The following RHCE variants were observed in gnomAD, a reference collection of about 807,000 sequenced individuals.
RHCE encodes the protein blood group Rh(CE) polypeptide.
A neutral mutation model predicts 43.8 loss-of-function variants in RHCE; 22 were observed. The observed-to-expected ratio is 0.50, with a 90% CI of 0.36 to 0.72. The LOEUF is 0.72. RHCE is among the 30% of genes least tolerant of loss of function. The pLI, the probability that RHCE is intolerant of heterozygous loss-of-function variation, is 0.00. For missense variants in RHCE, 385 were observed against 525.4 expected (o/e 0.73, Z 2.61); for synonymous variants, 156 against 210.7 (o/e 0.74, Z 2.25).
chr1:25,390,643 G>C, intron 5 of RHCE, 106 bp downstream of exon 5: 1 of 1,312,624 alleles, frequency 7.6e-7, no homozygotes, highest in Non-Finnish European at 1.1e-6. Context: ...CCACCACCCG[G>C]CATGCCCTCT....
At chr1:25,403,947 C>G (rs1438441428) in intron 2 of RHCE, among the ~76,000 whole-genome samples, 1 of 151,438 alleles carries the variant, frequency 6.6e-6, no homozygotes, top group Middle Eastern at 3.2e-3. Flanking sequence ...GCAGGTGGAT[C>G]ACTTGAGGCC....
chr1:25,380,497 T>C (rs686018), intron 7 of RHCE, among the ~76,000 whole-genome samples: 146 of 152,262 alleles, frequency 9.6e-4, no homozygotes, highest in Non-Finnish European at 1.6e-3. Flanking sequence ...CCACTAGACC[T>C]TGCTCTACTA....
Position 25,362,501 on chromosome 1 carries a change from G to A in RHCE, c.*26C>T. The A allele has an allele frequency of 6.3e-7, 1 of 1,591,488 alleles. No homozygotes were observed. The highest frequency in any genetic ancestry group is 8.6e-7 in the Non-Finnish European group (1 of 1,167,978). ...AGGAAGTTGTCTTGTTTTTGAACAG[G>A]CCTTGTTTTTCTTGGATGCTTTTGC... On this transcript the variant is annotated 3_prime_UTR_variant, in exon 10 of 10. Transcript: ENST00000294413.
In RHCE at chr1:25,389,095, C is replaced by T. The variant is rs202115486; in HGVS notation, c.820G>A (p.Val274Met). The T allele has an allele frequency of 1.7e-5, 27 of 1,613,974 alleles. No individual in the cohort carries two copies. Among genetic ancestry groups the T allele is most frequent in the Non-Finnish European group, 2.3e-5 (27 of 1,179,968 alleles). Reference protein sequence around the residue: ...KISMTYVHSAVLAGGVAVGTS... With the variant: ...KISMTYVHSAMLAGGVAVGTS... ...CCCACAGCCACGCCTCCTGCCAACA[C>T]CGCACTGTGCACATAAGTCTGCAAA... The change falls in exon 6 of 10, where the codon GTG becomes ATG. Residue 274 changes from valine to methionine, a missense_variant. Around this residue, in one of 6 missense-constraint regions of RHCE, gnomAD observed 56 missense variants for 90.0 expected, o/e 0.62. Transcript: ENST00000294413.
At position 25,420,681 on chromosome 1, in the gene RHCE, C is replaced by T. The variant is rs145034271; in HGVS notation, c.106G>A (p.Ala36Thr). ...LLFYFFTHYD[A>T]SLEDQKGLVA... ...AGCCCCTTTTGATCCTCTAAGGAAG[C>T]GTCATAGTGGGTAAAAAAATAGAAG... is the stretch of plus-strand genomic sequence containing the variant. The change falls in exon 1 of 10, where the codon GCT becomes ACT. Residue 36 changes from alanine (A) to threonine (T), a missense_variant. Coordinates refer to ENST00000294413, the MANE Select transcript of RHCE (RefSeq NM_020485.8). 1.6e-3 allele frequency: 2,624 copies of T among 1,613,668 alleles called. 14 individuals are homozygous for T. The highest frequency in any genetic ancestry group is 1.1e-3 in the Non-Finnish European group (1,277 of 1,179,822).
chr1:25,399,156 G>A lies in RHCE; in HGVS notation c.486+3440C>T, dbSNP rs544723698. ...TGGGCTTTGCTATTTCAACTATCAC[G>A]ATGTGGGCATCTGCAAAGCTGTTGC... On this transcript the variant is annotated intron_variant, in intron 3 of 9. Transcript: ENST00000294413. 599 of 1,131,056 alleles carry A rather than the reference G, an allele frequency of 5.3e-4. 5 individuals carry two copies. The South Asian group carries it at 6.8e-3, about 13-fold the overall frequency. The allele number at this position is 1,131,056 out of a possible 1,614,324, so 70.1% of individuals were successfully genotyped here.
At chr1:25,391,330 G>A (rs1346506174) in intron 4 of RHCE, among the ~76,000 whole-genome samples, 14 of 151,870 alleles carry the variant, frequency 9.2e-5, no homozygotes, top group African/African-American at 2.9e-4. Flanking sequence ...GATTACAGGC[G>A]TGCACCACCA....
chr1:25,374,244 ACGC>A (rs1386971872), intron 8 of RHCE, among the ~76,000 whole-genome samples: 2 of 151,720 alleles, frequency 1.3e-5, no homozygotes, highest in African/African-American at 4.8e-5. Flanking sequence ...GCCCACCACC[ACGC>A]CTGGCTAATT....
rs367941821 is a variant in RHCE at position 25,389,006 on chromosome 1, C to G, written c.909G>C (p.Leu303=). 3.7e-6 allele frequency: 6 copies of G among 1,614,118 alleles called. No individual in the cohort carries two copies. The highest frequency in any genetic ancestry group is 3.3e-5 in the Admixed American group (2 of 60,008). The change falls in exon 6 of 10, where the codon CTG becomes CTC. Residue 303 remains leucine (L), a synonymous_variant. Coordinates refer to ENST00000294413, the MANE Select transcript of RHCE (RefSeq NM_020485.8). ...LAMVLGLVAG[L]ISIGGAKCLP... ...GGCACTTGGCTCCCCCGATGGAGAT[C>G]AGCCCAGCCACAAGACCCAGCACCA...
Position 25,387,940 on chromosome 1 carries a change from C to A in RHCE, c.939+1036G>T, listed in dbSNP as rs189661249. Among the ~76,000 whole-genome samples the A allele has an allele frequency of 2.0e-5, 3 of 152,182 alleles. No homozygotes were observed. The East Asian group carries it at 5.8e-4, about 29-fold the overall frequency. On this transcript the variant is annotated intron_variant, in intron 6 of 9. Transcript: ENST00000294413. ...GGTTCAAGTGATTCTCGCATCTCAG[C>A]CTCCTGAGTAGCTAAGATGACAGGT... is the stretch of plus-strand genomic sequence containing the variant.
chr1:25,398,307 A>G (rs1200887622), intron 3 of RHCE, among the ~76,000 whole-genome samples: 1 of 115,274 alleles, frequency 8.7e-6, no homozygotes, highest in Non-Finnish European at 1.9e-5. Flanking sequence ...CTTTGGGCTC[A>G]CTCTGGGCAG....
At position 25,379,526 on chromosome 1, in the gene RHCE, A is replaced by G. The variant is rs1475610074; in HGVS notation, c.1074-4098T>C. On this transcript the variant is annotated intron_variant, in intron 7 of 9. Transcript: ENST00000294413. ...TTTTTTTTTTTTTTTTTTTTTAAAG[A>G]TGGGATTTTGCTCTATCATCCAGGC... Among the ~76,000 whole-genome samples the G allele has an allele frequency of 4.9e-5, 5 of 101,316 alleles. No homozygotes were observed. The South Asian group carries it at 1.5e-3, about 31-fold the overall frequency. The allele number at this position is 101,316 out of a possible 152,430, so 66.5% of individuals were successfully genotyped here.
chr1:25,369,156 G>A lies in RHCE; in HGVS notation c.1227+1311C>T, dbSNP rs79426587. The stretch of plus-strand genomic sequence containing the variant: ...GGAGAGGAAGGAGAAGGAAAAGAAG[G>A]GGCAGGGTCTCTCCCCAGGTCCTCT... On this transcript the variant is annotated intron_variant, in intron 9 of 9. Transcript: ENST00000294413. Among the ~76,000 whole-genome samples, 9 of 151,860 alleles carry A rather than the reference G, an allele frequency of 5.9e-5. No individual in the cohort carries two copies. The East Asian group carries it at 1.7e-3, about 29-fold the overall frequency.
intron 7 of RHCE, among the ~76,000 whole-genome samples, chr1:25,379,481 ATATATATATATATATTTTTTT>A (rs1474442885): frequency 5.6e-4 from 10 of 17,926 alleles, no homozygotes; most frequent in South Asian, 5.2e-3. Flanking sequence ...ATATATATAT[ATATATATATATATATTTTTTT>A]TTTTTTTTTT....
In RHCE at chr1:25,385,508, G is replaced by A. The variant is rs1056152899; in HGVS notation, c.1073+203C>T. 1.1e-5 allele frequency: 8 copies of A among 761,438 alleles called. No individual in the cohort carries two copies. In the African/African-American group the frequency reaches 1.4e-4, roughly 13 times the overall value. The allele number at this position is 761,438 out of a possible 1,614,324, so 47.2% of individuals were successfully genotyped here. ...ATACCTAGGTGGTCCTATTTGGAAA[G>A]AAGAGGTGGCCTGGAGAGGTGATAA... On this transcript the variant is annotated intron_variant, in intron 7 of 9. Transcript: ENST00000294413.
intron 2 of RHCE, among the ~76,000 whole-genome samples, chr1:25,406,917 G>A (rs1199983707): frequency 3.3e-5 from 4 of 120,292 alleles, no homozygotes; most frequent in African/African-American, 7.7e-5. Context: ...GAGCCACCGC[G>A]CCCGGCCCCT....
chr1:25,385,537 C>T, intron 7 of RHCE, 174 bp downstream of exon 7: 1 of 995,022 alleles, frequency 1.0e-6, no homozygotes, highest in Non-Finnish European at 1.6e-6. Flanking sequence ...GTGATAAATC[C>T]ATCCAAGGTA....
chr1:25,394,436 A>C (rs1208040506), intron 3 of RHCE, among the ~76,000 whole-genome samples: 2 of 152,052 alleles, frequency 1.3e-5, no homozygotes, highest in Non-Finnish European at 2.9e-5. Context: ...ACTCAAAAAA[A>C]ATCACCCCCT....
At chr1:25,391,818 T>C (rs1256138114) in intron 4 of RHCE, among the ~76,000 whole-genome samples, 176 bp downstream of exon 4, 1 of 152,184 alleles carries the variant, frequency 6.6e-6, no homozygotes, top group Non-Finnish European at 1.5e-5. Context: ...TAAAAGGAAG[T>C]GCTTAATTCA....
Sources: allele counts gnomAD v4.1 joint callset (sites outside exome capture counted in the v4.1 genomes callset), GRCh38; gene constraint gnomAD v4.1.1; regional missense constraint gnomAD v4.1.1; transcripts MANE v1.5; gene names NCBI Gene and HGNC (gene_info 2026-07-23, HGNC 2026-07-21).